The following DACH1 variants were observed in gnomAD, a reference collection of about 807,000 sequenced individuals.
DACH1 encodes dachshund family transcription factor 1.
In DACH1, 12 loss-of-function variants were observed where a neutral mutation model predicts 54.2. The ratio of observed to expected loss-of-function variants is 0.22; its 90% CI spans 0.14 to 0.36. The LOEUF (loss-of-function observed/expected upper bound fraction) is 0.36, where lower values mean the gene tolerates loss of function less well. Ranked by LOEUF, DACH1 falls within the 10% of genes least tolerant of loss-of-function variation. The pLI, the probability that DACH1 is intolerant of heterozygous loss-of-function variation, is 1.00. For synonymous variants in DACH1, 386 were observed against 366.2 expected, an observed-to-expected ratio of 1.05 and a Z score of -0.62; for missense variants, 805 against 929.8, an observed-to-expected ratio of 0.87 and a Z score of 1.75.
intron 10 of DACH1, among the ~76,000 whole-genome samples, chr13:71,446,641 T>A (rs1170306924): frequency 6.6e-6 from 1 of 152,182 alleles, no homozygotes; most frequent in Non-Finnish European, 1.5e-5. Flanking sequence ...TTTCCTCTAA[T>A]AAGCAACTGG....
intron 1 of DACH1, among the ~76,000 whole-genome samples, chr13:71,815,312 T>C (rs1160488768): frequency 7.1e-6 from 1 of 140,358 alleles, no homozygotes; most frequent in East Asian, 2.6e-4. Flanking sequence ...ATTCATGTTG[T>C]TCTTAAAAAA....
At position 71,440,433 on chromosome 13, in the gene DACH1, A is replaced by G. The variant is rs1873910327; in HGVS notation, c.*222T>C. On this transcript the variant is annotated 3_prime_UTR_variant, in exon 11 of 11. Transcript: ENST00000613252. Reference sequence around the variant, plus strand: ...TAACTGTAAGAACTTTGATACTTGTACATTTACAAACATTCTCAGGTCTCT... The same window carrying G: ...TAACTGTAAGAACTTTGATACTTGTGCATTTACAAACATTCTCAGGTCTCT... 1 of 462,824 alleles carries G rather than the reference A, an allele frequency of 2.2e-6. No individual in the cohort carries two copies. Among genetic ancestry groups the G allele is most frequent in the East Asian group, 4.1e-5 (1 of 24,150 alleles). The allele number at this position is 462,824 out of a possible 1,614,324, so 28.7% of individuals were successfully genotyped here. A position where few individuals can be genotyped will look rare whatever the true frequency, so the allele number is the denominator to read the frequency against.
intron 1 of DACH1, chr13:71,704,185 GA>G: frequency 4.5e-6 from 1 of 221,902 alleles, no homozygotes; most frequent in Non-Finnish European, 9.0e-6. Flanking sequence ...ATCAAAATGA[GA>G]AAAACAAAGG....
chr13:71,834,795 T>C (rs1888719449), intron 1 of DACH1, among the ~76,000 whole-genome samples: 1 of 152,194 alleles, frequency 6.6e-6, no homozygotes, highest in East Asian at 1.9e-4. Context: ...AGAAATCATG[T>C]GCACATTTTT....
intron 2 of DACH1, among the ~76,000 whole-genome samples, chr13:71,649,994 C>A (rs1190257541): frequency 4.3e-4 from 66 of 152,126 alleles, no homozygotes; most frequent in Non-Finnish European, 1.5e-5. Flanking sequence ...TCGTCTTTCC[C>A]CTGGAAGGCC....
At chr13:71,849,521 G>A (rs1055852856) in intron 1 of DACH1, among the ~76,000 whole-genome samples, 2 of 152,134 alleles carry the variant, frequency 1.3e-5, no homozygotes, top group Non-Finnish European at 2.9e-5. Flanking sequence ...TAGCTAAGAT[G>A]GCCAAAACCC....
intron 2 of DACH1, among the ~76,000 whole-genome samples, chr13:71,661,604 T>C (rs562705001): frequency 6.6e-6 from 1 of 152,202 alleles, no homozygotes; most frequent in African/African-American, 2.4e-5. Context: ...CTAGATTATA[T>C]GTTCCCATAA....
At chr13:71,598,703 CTG>C (rs1374235489) in intron 3 of DACH1, among the ~76,000 whole-genome samples, 1 of 152,186 alleles carries the variant, frequency 6.6e-6, no homozygotes, top group East Asian at 1.9e-4. Context: ...TTAAACCACT[CTG>C]TATTCGAAAA....
intron 1 of DACH1, among the ~76,000 whole-genome samples, chr13:71,722,860 G>A (rs1883293147): frequency 6.6e-6 from 1 of 152,058 alleles, no homozygotes; most frequent in Non-Finnish European, 1.5e-5. Context: ...CTACGATGGA[G>A]CTGGGGGTGT....
chr13:71,829,415 T>C (rs140297637), intron 1 of DACH1, among the ~76,000 whole-genome samples: 104 of 152,122 alleles, frequency 6.8e-4, no homozygotes, highest in Non-Finnish European at 1.3e-3. Flanking sequence ...CTAATTTGGA[T>C]AAATTTCATC....
intron 3 of DACH1, among the ~76,000 whole-genome samples, chr13:71,629,195 A>T (rs546435899): frequency 3.9e-5 from 6 of 152,200 alleles, no homozygotes; most frequent in African/African-American, 1.4e-4. Flanking sequence ...ATGTGTGTAA[A>T]CCATGACCGA....
intron 1 of DACH1, among the ~76,000 whole-genome samples, chr13:71,723,181 C>T (rs763702348): frequency 2.6e-5 from 4 of 151,368 alleles, no homozygotes; most frequent in Admixed American, 6.6e-5. Flanking sequence ...GCAAAAGGAT[C>T]GCTTGAGCCC....
intron 1 of DACH1, among the ~76,000 whole-genome samples, chr13:71,687,318 T>A (rs905680968): frequency 2.6e-5 from 4 of 152,130 alleles, no homozygotes; most frequent in African/African-American, 9.7e-5. Flanking sequence ...CACTTGAACA[T>A]TATGGAATCA....
At chr13:71,624,560 T>C (rs1876503136) in intron 3 of DACH1, among the ~76,000 whole-genome samples, 1 of 151,844 alleles carries the variant, frequency 6.6e-6, no homozygotes, top group African/African-American at 2.4e-5. Context: ...GGAAGAAAGA[T>C]CTTAAAAATC....
chr13:71,847,208 C>T (rs1210425701), intron 1 of DACH1, among the ~76,000 whole-genome samples: 1 of 152,040 alleles, frequency 6.6e-6, no homozygotes, highest in East Asian at 1.9e-4. Context: ...ACTAGTGTTA[C>T]ATATATTTTC....
intron 1 of DACH1, among the ~76,000 whole-genome samples, chr13:71,756,105 A>C (rs1343464611): frequency 6.6e-6 from 1 of 151,978 alleles, no homozygotes; most frequent in Non-Finnish European, 1.5e-5. Flanking sequence ...ATCTCGGCTC[A>C]CTGCAATCTC....
chr13:71,458,860 C>T (rs1290379387), intron 10 of DACH1, among the ~76,000 whole-genome samples: 1 of 151,792 alleles, frequency 6.6e-6, no homozygotes. Context: ...AAACAATTAA[C>T]TAAATATGTA....
At chr13:71,479,553 A>C (rs1461796190) in intron 7 of DACH1, among the ~76,000 whole-genome samples, 1 of 152,216 alleles carries the variant, frequency 6.6e-6, no homozygotes, top group Non-Finnish European at 1.5e-5. Context: ...TCTAATTAGA[A>C]TATCTAGATC....
rs184807519 is a variant in DACH1, at chr13:71,553,638, A to G, written c.1570+3386T>C. On this transcript the variant is annotated intron_variant, in intron 6 of 10. Transcript: ENST00000613252. ...TTATATATATAACATTTGTTTTTGT[A>G]TTTTATATATATAGTATATATATAT... Among the ~76,000 whole-genome samples the G allele has an allele frequency of 6.3e-4, 90 of 143,198 alleles. No individual in the cohort carries two copies. In the East Asian group the frequency reaches 0.013, roughly 21 times the overall value. 93.9% of individuals were successfully genotyped at this position (143,198 alleles called of 152,430 possible).
Sources: allele counts gnomAD v4.1 joint callset (sites outside exome capture counted in the v4.1 genomes callset), GRCh38; gene constraint gnomAD v4.1.1; transcripts MANE v1.5; gene names NCBI Gene and HGNC (gene_info 2026-07-23, HGNC 2026-07-21).